Variants in PHACTR2 observed in about 807,000 individuals in gnomAD.
PHACTR2 encodes the protein chromosome 6 open reading frame 56.
PHACTR2 carries 30 observed loss-of-function variants against 76.0 expected under a neutral mutation model. That is an observed-to-expected ratio of 0.39 (90% confidence interval 0.30 to 0.54). The LOEUF (loss-of-function observed/expected upper bound fraction) is 0.54, where lower values mean the gene tolerates loss of function less well. Ranked by LOEUF, PHACTR2 falls within the 20% of genes least tolerant of loss-of-function variation. PHACTR2 has a pLI of 0.61. For missense variants in PHACTR2, 696 were observed against 781.1 expected, an observed-to-expected ratio of 0.89 and a Z score of 1.30; for synonymous variants, 292 against 292.5, an observed-to-expected ratio of 1.00 and a Z score of 0.02.
At chr6:143,768,859 T>C (rs1775025310) in intron 6 of PHACTR2, among the ~76,000 whole-genome samples, 1 of 152,210 alleles carries the variant, frequency 6.6e-6, no homozygotes, top group African/African-American at 2.4e-5. Flanking sequence ...TGTATATTCT[T>C]CAAAATTTAA....
Position 143,743,338 on chromosome 6 carries a change from G to C in PHACTR2, c.215-5647G>C, listed in dbSNP as rs1030164634. Among the ~76,000 whole-genome samples the C allele has an allele frequency of 1.3e-5, 2 of 152,178 alleles. No homozygotes were observed. The highest frequency in any genetic ancestry group is 4.8e-5 in the African/African-American group (2 of 41,450). On this transcript the variant is annotated intron_variant, in intron 2 of 12. Coordinates refer to ENST00000440869, the MANE Select transcript of PHACTR2 (RefSeq NM_001100164.2). The surrounding 1 kb of genome is among the most constrained non-coding windows in gnomAD (Gnocchi z 5.0). ...AGGAAAGTGATGGGAAAAATGGTTC[G>C]CTGGGACGGGTTGTAAAGCTTGGCT...
At chr6:143,566,762 G>T (rs1775368951) in intron 1 of PHACTR2, among the ~76,000 whole-genome samples, 1 of 149,624 alleles carries the variant, frequency 6.7e-6, no homozygotes, top group East Asian at 2.0e-4. Context: ...ATTTTTAAAT[G>T]AATTCCAGAC....
At chr6:143,694,535 C>T (rs1777726321) in intron 1 of PHACTR2, among the ~76,000 whole-genome samples, 1 of 152,288 alleles carries the variant, frequency 6.6e-6, no homozygotes, top group East Asian at 1.9e-4. Flanking sequence ...AATGTCACTA[C>T]ATATATAGTC....
At position 143,782,917 on chromosome 6, in the gene PHACTR2, C is replaced by T. The variant is rs1010537397; in HGVS notation, c.1646-302C>T. On this transcript the variant is annotated intron_variant, in intron 9 of 12. Transcript: ENST00000440869. The surrounding 1 kb of genome is among the most constrained non-coding windows in gnomAD (Gnocchi z 4.6). ...GAGGGCTTTCATTAGAATATGGGCA[C>T]TCCTGTGGTTTTTTTAAGAATACAA... is the stretch of plus-strand genomic sequence containing the variant. Among the ~76,000 whole-genome samples the T allele has an allele frequency of 2.6e-5, 4 of 151,888 alleles. No individual in the cohort carries two copies. Among genetic ancestry groups the T allele is most frequent in the African/African-American group, 9.7e-5 (4 of 41,330 alleles).
Position 143,595,883 on chromosome 6 carries a change from T to C in PHACTR2, c.217+58676T>C, listed in dbSNP as rs1775745238. 6.6e-6 allele frequency among the ~76,000 whole-genome samples: 1 copy of C among 152,236 alleles called. No homozygotes were observed. Among genetic ancestry groups the C allele is most frequent in the Non-Finnish European group, 1.5e-5 (1 of 68,036 alleles). ...CATTAATCCTTTAACCTTTTCCTTCTCCCTTCCTGTCTACTGAGTTGGGTG... is the reference window on the plus strand; with the variant it reads ...CATTAATCCTTTAACCTTTTCCTTCCCCCTTCCTGTCTACTGAGTTGGGTG... On this transcript the variant is annotated intron_variant, in intron 1 of 11. Transcript: ENST00000367584. The surrounding 1 kb of genome is among the most constrained non-coding windows in gnomAD (Gnocchi z 4.2).
chr6:143,690,511 G>A (rs1273202189), intron 1 of PHACTR2, among the ~76,000 whole-genome samples: 5 of 152,130 alleles, frequency 3.3e-5, no homozygotes, highest in East Asian at 1.9e-4. Context: ...GTATTAGAAC[G>A]TGGCTTTATT....
rs1489977120 is a variant in PHACTR2, at chr6:143,816,898, T to A, written c.1923-6776T>A. Among the ~76,000 whole-genome samples, 4 of 152,008 alleles carry A rather than the reference T, an allele frequency of 2.6e-5. No homozygotes were observed. Among genetic ancestry groups the A allele is most frequent in the Non-Finnish European group, 5.9e-5 (4 of 68,002 alleles). On this transcript the variant is annotated intron_variant, in intron 12 of 12. Transcript: ENST00000440869. This position sits in a 1 kb window ranked among gnomAD's most constrained non-coding sequence, Gnocchi z 4.5. Reference sequence around the variant, plus strand: ...CTGGTCAACATGGCACAATGCTGTCTCTACAAAAAATACAAAAATTAGCCA... The same window carrying A: ...CTGGTCAACATGGCACAATGCTGTCACTACAAAAAATACAAAAATTAGCCA...
rs958899773 is a variant in PHACTR2, at chr6:143,777,140, G to A, written c.1590-188G>A. ...AAAGGAAAGGAGACTGTGTAATGGG[G>A]GTCGGTGAGCAGCCTCAGCCATGAT... On this transcript the variant is annotated intron_variant, in intron 8 of 12. Coordinates refer to ENST00000440869, the MANE Select transcript of PHACTR2 (RefSeq NM_001100164.2). The surrounding 1 kb of genome is among the most constrained non-coding windows in gnomAD (Gnocchi z 4.6). Among the ~76,000 whole-genome samples the A allele has an allele frequency of 2.6e-5, 4 of 152,142 alleles. No homozygotes were observed. Among genetic ancestry groups the A allele is most frequent in the Non-Finnish European group, 5.9e-5 (4 of 68,020 alleles).
At position 143,633,468 on chromosome 6, in the gene PHACTR2, T is replaced by A. The variant is rs1582720150; in HGVS notation, c.13+25146T>A. On this transcript the variant is annotated intron_variant, in intron 1 of 11. Transcript: ENST00000305766. This position sits in a 1 kb window ranked among gnomAD's most constrained non-coding sequence, Gnocchi z 4.1. ...TCTTTAGAGAGACCTTCTGTTCAGG[T>A]CTTTTGTCCATTTTTAAATTGGATT... Among the ~76,000 whole-genome samples, 1 of 152,156 alleles carries A rather than the reference T, an allele frequency of 6.6e-6. No homozygotes were observed. The highest frequency in any genetic ancestry group is 1.9e-4 in the East Asian group (1 of 5,196).
intron 1 of PHACTR2, among the ~76,000 whole-genome samples, chr6:143,593,307 A>C (rs752430206): frequency 7.0e-6 from 1 of 143,540 alleles, no homozygotes; most frequent in Non-Finnish European, 1.5e-5. Flanking sequence ...GGGTGATGGA[A>C]GGTCAGGATC....
chr6:143,560,643 G>A (rs1775253951), intron 1 of PHACTR2, among the ~76,000 whole-genome samples: 2 of 152,102 alleles, frequency 1.3e-5, no homozygotes, highest in Admixed American at 1.3e-4. Flanking sequence ...ATGTAATATG[G>A]GCTATAGTAG....
In PHACTR2 at chr6:143,671,358, C is replaced by T. The variant is rs1753983324; in HGVS notation, c.14-40658C>T. Among the ~76,000 whole-genome samples the T allele has an allele frequency of 1.3e-5, 2 of 152,152 alleles. No individual in the cohort carries two copies. Among genetic ancestry groups the T allele is most frequent in the Middle Eastern group, 3.2e-3 (1 of 316 alleles). ...GGATTCCTCAAACATATGCCATGCT[C>T]CTGTCTTTATATTAACTGGTCTTTC... On this transcript the variant is annotated intron_variant, in intron 1 of 11. Coordinates refer to the PHACTR2 transcript ENST00000305766. This position sits in a 1 kb window ranked among gnomAD's most constrained non-coding sequence, Gnocchi z 4.6.
rs1356548893 is a variant in PHACTR2 at position 143,547,688 on chromosome 6, GAA to G, written c.217+10484_217+10485del. Among the ~76,000 whole-genome samples the G allele has an allele frequency of 1.3e-5, 2 of 152,190 alleles. No individual in the cohort carries two copies. The highest frequency in any genetic ancestry group is 2.9e-5 in the Non-Finnish European group (2 of 68,038). On this transcript the variant is annotated intron_variant, in intron 1 of 11. Transcript: ENST00000367584. The surrounding 1 kb of genome is among the most constrained non-coding windows in gnomAD (Gnocchi z 4.2). ...TAGAGACTCCCTTCTTCGAATGAAG[GAA>G]AAGGGGTTTGTTTGTCTATTTGTTA...
At position 143,625,815 on chromosome 6, in the gene PHACTR2, G is replaced by A. The variant is rs1776248102; in HGVS notation, c.13+17493G>A. ...AGCTTACATTCTATTGAAGCCAACA[G>A]ACAGTGACCAGATCAACAAGTAAAT... is the stretch of plus-strand genomic sequence containing the variant. On this transcript the variant is annotated intron_variant, in intron 1 of 11. Transcript: ENST00000305766. The surrounding 1 kb of genome is among the most constrained non-coding windows in gnomAD (Gnocchi z 4.3). Among the ~76,000 whole-genome samples, 1 of 152,222 alleles carries A rather than the reference G, an allele frequency of 6.6e-6. No homozygotes were observed. The highest frequency in any genetic ancestry group is 2.1e-4 in the South Asian group (1 of 4,836).
In PHACTR2 at chr6:143,597,826, G is replaced by C. The variant is rs12204353; in HGVS notation, c.217+60619G>C. On this transcript the variant is annotated intron_variant, in intron 1 of 11. Transcript: ENST00000367584. The surrounding 1 kb of genome is among the most constrained non-coding windows in gnomAD (Gnocchi z 5.7). ...TATTGACATTCTTTTTTATAATTTC[G>C]CTACCATTTTATCCTGAGAAATTCT... Among the ~76,000 whole-genome samples, 12,860 of 151,982 alleles carry C rather than the reference G, an allele frequency of 0.085. 617 individuals carry two copies. Among genetic ancestry groups the C allele is most frequent in the Non-Finnish European group, 0.1 (7,054 of 67,964 alleles).
At chr6:143,685,683 T>G (rs958132513) in intron 1 of PHACTR2, among the ~76,000 whole-genome samples, 1 of 102,820 alleles carries the variant, frequency 9.7e-6, no homozygotes, top group African/African-American at 4.7e-5. Flanking sequence ...TTTAAGCAAT[T>G]AAATGAAAAA....
chr6:143,651,605 G>A (rs1439563618), intron 1 of PHACTR2, among the ~76,000 whole-genome samples: 5 of 152,144 alleles, frequency 3.3e-5, no homozygotes, highest in Middle Eastern at 3.4e-3. Flanking sequence ...ATCAAACACC[G>A]CATGTTCTCA....
intron 11 of PHACTR2, among the ~76,000 whole-genome samples, chr6:143,797,596 G>A (rs1334869543): frequency 1.3e-5 from 2 of 152,158 alleles, no homozygotes; most frequent in Admixed American, 6.5e-5. Context: ...TGTATAAGGT[G>A]TAAGGAAGGG....
In PHACTR2 at chr6:143,570,668, C is replaced by G. The variant is rs1182550478; in HGVS notation, c.217+33461C>G. Among the ~76,000 whole-genome samples, 4 of 152,144 alleles carry G rather than the reference C, an allele frequency of 2.6e-5. No individual in the cohort carries two copies. Among genetic ancestry groups the G allele is most frequent in the Non-Finnish European group, 2.9e-5 (2 of 68,034 alleles). ...TCCCCGCTTGCTCTCCTTCCCTAAT[C>G]CCCACACCTTTTTATGAAGATCAGT... On this transcript the variant is annotated intron_variant, in intron 1 of 11. Coordinates refer to the PHACTR2 transcript ENST00000367584. The surrounding 1 kb of genome is among the most constrained non-coding windows in gnomAD (Gnocchi z 4.6).
Sources: gnomAD v4.1 joint callset for allele counts (sites outside exome capture counted in the v4.1 genomes callset) on GRCh38, gnomAD v4.1.1 for gene constraint, Gnocchi (gnomAD v3.1) non-coding constraint, MANE v1.5 for transcripts, NCBI Gene and HGNC (gene_info 2026-07-23, HGNC 2026-07-21) for gene names.